Variants in KIF7 observed in about 807,000 individuals in gnomAD.
The protein encoded by KIF7 is kinesin-like protein KIF7.
KIF7 carries 104 observed loss-of-function variants against 135.7 expected under a neutral mutation model. The observed-to-expected ratio is 0.77, with a 90% confidence interval of 0.65 to 0.90. The LOEUF (loss-of-function observed/expected upper bound fraction) is 0.90. Among genes scored for constraint, KIF7 ranks in the 40% least tolerant of loss-of-function variants. The pLI is 0.00. For missense variants in KIF7, 2,005 were observed against 1,839.1 expected (o/e 1.09, Z -1.65); for synonymous variants, 883 against 809.4 (o/e 1.09, Z -1.54).
intron 10 of KIF7, among the ~76,000 whole-genome samples, chr15:89,642,621 G>A (rs1963944152): frequency 6.6e-6 from 1 of 152,228 alleles, no homozygotes. Context: ...CCAGGCTGGA[G>A]TGCAGTGGCG....
At position 89,629,469 on chromosome 15, in the gene KIF7, G is replaced by A. The variant is rs563944213; in HGVS notation, c.3423C>T (p.Ala1141=). ...CCATCTCCAGGCGCTGCCGCTCCAG[G>A]GCCACCTCCAGCCAGTACACCAGCC... ...QQRLVYWLEV[A]LERQRLEMDR... The change falls in exon 17 of 19, where the codon GCC becomes GCT. Residue 1141 remains alanine (A), a synonymous_variant. Transcript: ENST00000394412. 6.2e-7 allele frequency: 1 copy of A among 1,610,344 alleles called. No homozygotes were observed. Among genetic ancestry groups the A allele is most frequent in the Non-Finnish European group, 8.5e-7 (1 of 1,179,950 alleles).
At position 89,636,016 on chromosome 15, in the gene KIF7, T is replaced by C. The variant is rs1299824856; in HGVS notation, c.2395-2133A>G. ...TCTACAAGCCAGAAGAGAGTGGGGG[T>C]CAATATTCAACATTCTTAAAGAAAA... On this transcript the variant is annotated intron_variant, in intron 11 of 18. Coordinates refer to ENST00000394412, the MANE Select transcript of KIF7 (RefSeq NM_198525.3). Among the ~76,000 whole-genome samples the C allele has an allele frequency of 6.0e-5, 9 of 150,798 alleles. No homozygotes were observed. In the East Asian group the frequency reaches 9.7e-4, roughly 16 times the overall value.
chr15:89,652,481 G>A lies in KIF7; in HGVS notation c.328+122C>T, dbSNP rs11634571. On this transcript the variant is annotated intron_variant, in intron 2 of 18. Transcript: ENST00000394412. ...GCCACAGATCCCTGTCTAGGAAATC[G>A]ACTCTTCCTCCCCCAGCATCCCCAC... 0.47 allele frequency: 372,503 copies of A among 791,360 alleles called. 91,505 individuals carry two copies. The highest frequency in any genetic ancestry group is 0.52 in the Non-Finnish European group (258,739 of 501,426). The allele number at this position is 791,360 out of a possible 1,614,324, so 49.0% of individuals were successfully genotyped here.
chr15:89,624,602 C>T, downstream of KIF7: 1 of 1,613,978 alleles, frequency 6.2e-7, no homozygotes, highest in South Asian at 1.1e-5. Context: ...AGCCTCTCTC[C>T]TCAGTCTCCT....
chr15:89,627,515 A>G (rs1487285525), downstream of KIF7: 4 of 177,332 alleles, frequency 2.3e-5, no homozygotes, highest in Non-Finnish European at 2.4e-5. Flanking sequence ...GTGAAGCCAT[A>G]TACGTGAAAC....
At chr15:89,637,181 T>G (rs1315025071) in intron 11 of KIF7, among the ~76,000 whole-genome samples, 10 of 116,274 alleles carry the variant, frequency 8.6e-5, no homozygotes, top group Non-Finnish European at 1.6e-4. Flanking sequence ...TTCAAAGCAG[T>G]GTGTAGAGGG....
intron 11 of KIF7, among the ~76,000 whole-genome samples, chr15:89,638,063 C>CA (rs201889659): frequency 0.52 from 73,579 of 141,536 alleles, 19,585 homozygotes; most frequent in Non-Finnish European, 0.57. Flanking sequence ...GAACCAAAGA[C>CA]AAAATCACGA....
chr15:89,633,955 A>C, intron 11 of KIF7, 72 bp from the exon 12 acceptor site: 1 of 1,552,574 alleles, frequency 6.4e-7, no homozygotes, highest in Non-Finnish European at 8.9e-7. Flanking sequence ...TGGGCACTCA[A>C]CAAGGGCAGG....
chr15:89,641,797 T>C (rs1963924220), intron 11 of KIF7, among the ~76,000 whole-genome samples: 1 of 152,000 alleles, frequency 6.6e-6, no homozygotes, highest in African/African-American at 2.4e-5. Context: ...TGAGACTCTG[T>C]CTCAAAGAAA....
chr15:89,624,690 C>T (rs1401826057), downstream of KIF7: 2 of 1,613,988 alleles, frequency 1.2e-6, no homozygotes, highest in Non-Finnish European at 8.5e-7. Flanking sequence ...TTACAAGTGA[C>T]ACAGAGCATG....
chr15:89,642,286 C>T lies in KIF7; in HGVS notation c.2311G>A (p.Gly771Ser), dbSNP rs774153706. The change falls in exon 11 of 19, where the codon GGC becomes AGC. Residue 771 changes from glycine to serine, a missense_variant. By Grantham distance (56) the Gly-to-Ser change is moderately conservative. Coordinates refer to ENST00000394412, the MANE Select transcript of KIF7 (RefSeq NM_198525.3). The stretch of plus-strand genomic sequence containing the variant: ...TCGCCAGCATCCTGGAGCTCCTTGC[C>T]CTCGAGCTCCCGCAGCTGCCTCTGG... Reference protein sequence around the residue: ...EGQRQLRELEGKELQDAGERS... With the variant: ...EGQRQLRELESKELQDAGERS... The T allele has an allele frequency of 1.9e-6, 3 of 1,610,210 alleles. No individual in the cohort carries two copies. Among genetic ancestry groups the T allele is most frequent in the South Asian group, 1.1e-5 (1 of 90,952 alleles).
chr15:89,625,522 T>G, downstream of KIF7: 1 of 1,613,596 alleles, frequency 6.2e-7, no homozygotes. Context: ...CTTGGAGGAT[T>G]TTGAGCTCGA....
At chr15:89,644,956 A>C in intron 10 of KIF7, 57 bp downstream of exon 10, 1 of 1,597,624 alleles carries the variant, frequency 6.3e-7, no homozygotes, top group Non-Finnish European at 8.5e-7. Flanking sequence ...AACAGTGCAG[A>C]AGTAACGATG....
intron 2 of KIF7, chr15:89,617,915 C>G: frequency 2.1e-6 from 1 of 479,666 alleles, no homozygotes. Context: ...TGGTCTCGAA[C>G]TCCTGACCTC....
chr15:89,626,053 A>G (rs1963519068), downstream of KIF7: 1 of 1,613,732 alleles, frequency 6.2e-7, no homozygotes, highest in Non-Finnish European at 8.5e-7. Flanking sequence ...CAGAGCAAAG[A>G]CCCCAGAGGT....
chr15:89,618,148 C>G (rs781013992), exon 2 of KIF7: 2 of 1,614,034 alleles, frequency 1.2e-6, no homozygotes, highest in South Asian at 1.1e-5. Flanking sequence ...TGTGGTTCCT[C>G]GAGGTCCTCT....
At chr15:89,625,301 G>C (rs540270547), downstream of KIF7, 42 of 1,614,010 alleles carry the variant, frequency 2.6e-5, no homozygotes, top group South Asian at 4.2e-4. Flanking sequence ...CAAACAGATG[G>C]GGTTCCTTGG....
At chr15:89,623,750 C>T (rs200868616), downstream of KIF7, 2 of 1,614,028 alleles carry the variant, frequency 1.2e-6, no homozygotes, top group South Asian at 1.1e-5. Context: ...AAAATGACCC[C>T]TACAAAGCAG....
intron 11 of KIF7, among the ~76,000 whole-genome samples, chr15:89,635,973 G>A (rs555933700): frequency 1.3e-4 from 20 of 152,102 alleles, no homozygotes; most frequent in East Asian, 1.9e-4. Flanking sequence ...GACTAACAGC[G>A]GATCTCTCGG....
Sources: allele counts gnomAD v4.1 joint callset (sites outside exome capture counted in the v4.1 genomes callset), GRCh38; gene constraint gnomAD v4.1.1; transcripts MANE v1.5; gene names NCBI Gene and HGNC (gene_info 2026-07-23, HGNC 2026-07-21).